The following RBBP8 variants were observed in gnomAD, a reference collection of about 807,000 sequenced individuals.
RBBP8 encodes DNA endonuclease RBBP8.
In RBBP8, 88 loss-of-function variants were observed where a neutral mutation model predicts 108.3. That is an observed-to-expected ratio of 0.81 (90% CI 0.68 to 0.97). The LOEUF is 0.97. Ranked by LOEUF, RBBP8 falls within the 50% of genes least tolerant of loss-of-function variation. RBBP8 has a pLI of 0.00. For missense variants in RBBP8, 1,023 were observed against 1,049.0 expected (o/e 0.98, Z 0.34); for synonymous variants, 332 against 348.2 (o/e 0.95, Z 0.52).
intron 4 of RBBP8, among the ~76,000 whole-genome samples, chr18:22,965,501 G>T (rs1329278862): frequency 2.6e-5 from 4 of 152,126 alleles, no homozygotes; most frequent in Non-Finnish European, 1.5e-5. Context: ...CTGACTCCCA[G>T]TGTTCTTGGA....
rs921323408 is a variant in RBBP8 at position 23,017,649 on chromosome 18, G to A, written c.2454+725G>A. Among the ~76,000 whole-genome samples, 52 of 144,696 alleles carry A rather than the reference G, an allele frequency of 3.6e-4. 1 individual carries two copies. The highest frequency in any genetic ancestry group is 1.7e-3 in the Admixed American group (24 of 14,452). 94.9% of individuals were successfully genotyped at this position (144,696 alleles called of 152,430 possible). A position where few individuals can be genotyped will look rare whatever the true frequency, so the allele number is the denominator to read the frequency against. ...AGCCTGGGCGAGAGAGCGAGACTCCGTCTCAAAAAAAAAAAAATTATTTTT... is the reference window on the plus strand; with the variant it reads ...AGCCTGGGCGAGAGAGCGAGACTCCATCTCAAAAAAAAAAAAATTATTTTT... On this transcript the variant is annotated intron_variant, in intron 17 of 18. Transcript: ENST00000327155.
intron 4 of RBBP8, among the ~76,000 whole-genome samples, chr18:22,961,826 G>A (rs776029065): frequency 3.9e-5 from 6 of 152,166 alleles, no homozygotes; most frequent in Non-Finnish European, 7.4e-5. Context: ...CCCCGTCCCT[G>A]CAGATTCTAA....
At chr18:22,938,668 G>C (rs193019984) in intron 2 of RBBP8, among the ~76,000 whole-genome samples, 1 of 152,166 alleles carries the variant, frequency 6.6e-6, no homozygotes, top group Non-Finnish European at 1.5e-5. Context: ...TTTGAATTCT[G>C]ATTTCATTTA....
At chr18:22,997,279 T>A (rs536349789) in intron 13 of RBBP8, among the ~76,000 whole-genome samples, 1 of 152,338 alleles carries the variant, frequency 6.6e-6, no homozygotes, top group South Asian at 2.1e-4. Context: ...TAATTTAATT[T>A]TTGAAAGTGT....
chr18:22,980,766 G>C (rs1914857641), intron 6 of RBBP8, among the ~76,000 whole-genome samples: 1 of 149,202 alleles, frequency 6.7e-6, no homozygotes, highest in Non-Finnish European at 1.5e-5. Context: ...CGAGGCTGGA[G>C]TGGAGTGGCA....
chr18:22,982,075 A>G (rs1914966965), intron 6 of RBBP8, 143 bp from the exon 7 acceptor site: 4 of 922,040 alleles, frequency 4.3e-6, no homozygotes, highest in Non-Finnish European at 6.7e-6. Flanking sequence ...TCGTGTACTT[A>G]TCTACTTAGG....
intron 16 of RBBP8, among the ~76,000 whole-genome samples, chr18:23,015,266 A>T (rs906884265): frequency 1.3e-5 from 2 of 152,200 alleles, no homozygotes; most frequent in Non-Finnish European, 2.9e-5. Context: ...TGGGCAGAAG[A>T]AGTTAGTCCT....
intron 16 of RBBP8, among the ~76,000 whole-genome samples, chr18:23,007,360 A>G (rs763072751): frequency 2.7e-4 from 41 of 151,618 alleles, no homozygotes; most frequent in African/African-American, 5.8e-4. Context: ...TTTTTATTCT[A>G]TCTTTTCAAC....
intron 3 of RBBP8, among the ~76,000 whole-genome samples, chr18:22,924,129 T>TG (rs1909702516): frequency 7.3e-6 from 1 of 137,928 alleles, no homozygotes; most frequent in African/African-American, 2.7e-5. Flanking sequence ...TGTTTTTGGT[T>TG]TTTTTTTTTT....
intron 9 of RBBP8, among the ~76,000 whole-genome samples, 158 bp from the exon 10 acceptor site, chr18:22,990,779 A>G: frequency 6.6e-6 from 1 of 152,126 alleles, no homozygotes; most frequent in Admixed American, 6.6e-5. Flanking sequence ...TATTCTGAAT[A>G]TTTCATATAA....
Position 22,993,070 on chromosome 18 carries a change from T to A in RBBP8, c.1243T>A (p.Ser415Thr), listed in dbSNP as rs769800397. Residue 415 changes from serine to threonine, a missense_variant, in exon 11 of 19, where the codon TCC (serine) becomes ACC (threonine). Ser to Thr is a moderately conservative substitution (Grantham distance 58, BLOSUM62 1). Coordinates refer to ENST00000327155, the MANE Select transcript of RBBP8 (RefSeq NM_002894.3). The stretch of plus-strand genomic sequence containing the variant: ...ACTTATAAATAAAAATATAAGTGAA[T>A]CCCTAGGTGAACAGAATAGGACTGA... ...QILINKNISESLGEQNRTEYG... is the reference protein window; with the variant it reads ...QILINKNISETLGEQNRTEYG... 1.1e-5 allele frequency: 17 copies of A among 1,613,090 alleles called. No individual in the cohort carries two copies. The Admixed American group carries it at 2.8e-4, about 27-fold the overall frequency.
intron 10 of RBBP8, 55 bp downstream of exon 10, chr18:22,991,104 A>G (rs1915668457): frequency 8.2e-7 from 1 of 1,218,324 alleles, no homozygotes; most frequent in East Asian, 2.4e-5. Flanking sequence ...ATCCCATTAC[A>G]ATGAATTTCA....
rs1048656145 is a variant in RBBP8, at chr18:22,937,075, G to T, written c.109+115G>T. 7.2e-6 allele frequency: 11 copies of T among 1,522,884 alleles called. No individual in the cohort carries two copies. The African/African-American group carries it at 1.4e-4, about 19-fold the overall frequency. The allele number at this position is 1,522,884 out of a possible 1,614,324, so 94.3% of individuals were successfully genotyped here. A position where few individuals can be genotyped will look rare whatever the true frequency, so the allele number is the denominator to read the frequency against. On this transcript the variant is annotated intron_variant, in intron 2 of 18. Transcript: ENST00000327155. ...TCTATTTCAGCTTTTAGGTTCCGGG[G>T]GTACATGTGCAGATTTGGTACATGG...
intron 2 of RBBP8, among the ~76,000 whole-genome samples, chr18:22,940,343 CAG>C (rs1473585780): frequency 1.5e-5 from 2 of 134,932 alleles, no homozygotes; most frequent in African/African-American, 2.8e-5. Context: ...TTTTTTGAGA[CAG>C]AGTCTTGCTC....
At chr18:22,955,476 A>G (rs763086479) in intron 4 of RBBP8, among the ~76,000 whole-genome samples, 7 of 152,340 alleles carry the variant, frequency 4.6e-5, no homozygotes, top group East Asian at 3.9e-4. Flanking sequence ...TATTAACGCT[A>G]CAGGATAGAT....
Position 22,975,218 on chromosome 18 carries a change from G to C in RBBP8, c.427G>C (p.Glu143Gln). ...KLSEQLQQKI[E>Q]NDQQHQAAEL... is the part of the protein sequence containing the mutation. ...TTCTGAACAACTCCAGCAGAAAATT[G>C]AGTAAGTATTTTCCTCCAACCTTGT... Residue 143 changes from glutamate to glutamine, a missense_variant and splice_region_variant, in exon 6 of 19, where the codon GAG (glutamate) becomes CAG (glutamine). Coordinates refer to ENST00000327155, the MANE Select transcript of RBBP8 (RefSeq NM_002894.3). The C allele has an allele frequency of 1.2e-6, 2 of 1,612,480 alleles. No individual in the cohort carries two copies. Among genetic ancestry groups the C allele is most frequent in the Non-Finnish European group, 1.7e-6 (2 of 1,179,126 alleles).
intron 8 of RBBP8, among the ~76,000 whole-genome samples, chr18:22,986,901 T>C (rs752686291): frequency 5.3e-5 from 8 of 152,220 alleles, no homozygotes; most frequent in Non-Finnish European, 8.8e-5. Flanking sequence ...GGCAGATCCT[T>C]GCTTCTCAGC....
At chr18:22,992,326 GCTGGGATTA>G (rs1915756490) in intron 10 of RBBP8, among the ~76,000 whole-genome samples, 1 of 152,158 alleles carries the variant, frequency 6.6e-6, no homozygotes. Flanking sequence ...CACCAGAGTA[GCTGGGATTA>G]CTGGCGTGTG....
intron 2 of RBBP8, 104 bp from the exon 3 acceptor site, chr18:22,946,340 C>A: frequency 6.7e-7 from 1 of 1,497,484 alleles, no homozygotes; most frequent in Admixed American, 1.9e-5. Context: ...ACTAATGAGA[C>A]CTGGTTTATT....
Sources: gnomAD v4.1 joint callset for allele counts (sites outside exome capture counted in the v4.1 genomes callset) on GRCh38, gnomAD v4.1.1 for gene constraint, MANE v1.5 for transcripts, NCBI Gene and HGNC (gene_info 2026-07-23, HGNC 2026-07-21) for gene names.